Variants in ERC2 observed in about 807,000 individuals in gnomAD.
ERC2 encodes ELKS/RAB6-interacting/CAST family member 2, also known as ERC protein 2.
In ERC2, 42 loss-of-function variants were observed where a neutral mutation model predicts 114.8. The ratio of observed to expected loss-of-function variants is 0.37; its 90% CI spans 0.29 to 0.47. The LOEUF (loss-of-function observed/expected upper bound fraction) is 0.47. Ranked by LOEUF, ERC2 falls within the 20% of genes least tolerant of loss-of-function variation. The pLI is 0.99. For missense variants in ERC2, 939 were observed against 1,150.7 expected, an observed-to-expected ratio of 0.82 and a Z score of 2.66; for synonymous variants, 454 against 425.5, an observed-to-expected ratio of 1.07 and a Z score of -0.82.
intron 14 of ERC2, among the ~76,000 whole-genome samples, chr3:55,802,728 G>C: frequency 6.6e-6 from 1 of 152,124 alleles, no homozygotes; most frequent in Non-Finnish European, 1.5e-5. Context: ...AATAACCCAA[G>C]TTAGTTGTTA....
At chr3:55,874,024 A>G (rs978539587) in intron 14 of ERC2, among the ~76,000 whole-genome samples, 1 of 152,244 alleles carries the variant, frequency 6.6e-6, no homozygotes, top group Admixed American at 6.5e-5. Flanking sequence ...GTGACTAAAC[A>G]AATGACTGAA....
intron 6 of ERC2, among the ~76,000 whole-genome samples, chr3:56,094,054 C>T (rs966932666): frequency 3.9e-5 from 6 of 152,180 alleles, no homozygotes; most frequent in Non-Finnish European, 7.3e-5. Flanking sequence ...ATTGATTTAA[C>T]TTACCTTTCC....
intron 3 of ERC2, among the ~76,000 whole-genome samples, chr3:56,207,480 C>T (rs2048810938): frequency 2.6e-5 from 4 of 151,948 alleles, no homozygotes; most frequent in Admixed American, 1.3e-4. Context: ...CTTAGTTCTG[C>T]CTCTTTCATT....
chr3:56,193,711 C>T (rs1216461176), intron 3 of ERC2, among the ~76,000 whole-genome samples: 2 of 152,022 alleles, frequency 1.3e-5, no homozygotes, highest in Admixed American at 6.6e-5. Context: ...GAGACCAGTA[C>T]TATTATTATC....
chr3:56,168,299 G>A (rs1406907941), intron 4 of ERC2, among the ~76,000 whole-genome samples: 1 of 152,088 alleles, frequency 6.6e-6, no homozygotes, highest in Non-Finnish European at 1.5e-5. Context: ...TATTACTGGG[G>A]GTGCAGGTGA....
intron 3 of ERC2, among the ~76,000 whole-genome samples, chr3:56,253,254 AGCTTGGT>A: frequency 6.6e-6 from 1 of 152,248 alleles, no homozygotes; most frequent in Non-Finnish European, 1.5e-5. Flanking sequence ...AAGTAATCCC[AGCTTGGT>A]ACTTTTAAAA....
At chr3:55,563,541 A>C (rs1363399206) in intron 17 of ERC2, among the ~76,000 whole-genome samples, 1 of 152,224 alleles carries the variant, frequency 6.6e-6, no homozygotes. Context: ...TAAGTGCTCC[A>C]TTTGAGTCTT....
At chr3:55,624,810 G>GA (rs1473398071) in intron 17 of ERC2, among the ~76,000 whole-genome samples, 8 of 151,952 alleles carry the variant, frequency 5.3e-5, no homozygotes, top group Admixed American at 2.6e-4. Flanking sequence ...GAAAAAGGAA[G>GA]AAAAAAAATG....
chr3:55,649,044 A>G (rs904257202), intron 17 of ERC2, among the ~76,000 whole-genome samples: 1 of 152,148 alleles, frequency 6.6e-6, no homozygotes, highest in Non-Finnish European at 1.5e-5. Context: ...CTTATCCCAC[A>G]GACCAGCTCC....
chr3:56,053,303 C>T (rs1367187802), intron 7 of ERC2, among the ~76,000 whole-genome samples: 1 of 151,986 alleles, frequency 6.6e-6, no homozygotes, highest in Non-Finnish European at 1.5e-5. Context: ...TGTAAGTGAG[C>T]AGTATAACGG....
rs183422857 is a variant in ERC2, at chr3:56,129,124, T to C, written c.1473+10385A>G. On this transcript the variant is annotated intron_variant, in intron 6 of 17. Transcript: ENST00000288221. ...AGTTGTATTCCTCCCTTTTTCTTAATAAGACAAAAGGAGGAAAGTATATGT... is the reference window on the plus strand; with the variant it reads ...AGTTGTATTCCTCCCTTTTTCTTAACAAGACAAAAGGAGGAAAGTATATGT... Among the ~76,000 whole-genome samples the C allele has an allele frequency of 7.9e-5, 12 of 152,318 alleles. No homozygotes were observed. In the East Asian group the frequency reaches 2.3e-3, roughly 29 times the overall value.
At chr3:55,673,676 G>T (rs1034346981) in intron 17 of ERC2, among the ~76,000 whole-genome samples, 10 of 152,142 alleles carry the variant, frequency 6.6e-5, no homozygotes, top group Non-Finnish European at 1.3e-4. Flanking sequence ...AGCACCAGGG[G>T]AGACAAGTAC....
intron 3 of ERC2, among the ~76,000 whole-genome samples, chr3:56,220,541 G>A (rs1423243935): frequency 6.6e-6 from 1 of 152,188 alleles, no homozygotes; most frequent in Admixed American, 6.5e-5. Flanking sequence ...ACGGCCCAAA[G>A]CACAACATAA....
intron 14 of ERC2, among the ~76,000 whole-genome samples, chr3:55,858,756 T>G (rs2061896606): frequency 6.6e-6 from 1 of 152,180 alleles, no homozygotes; most frequent in Admixed American, 6.5e-5. Flanking sequence ...GCGCATCACA[T>G]AGCTGACAGA....
chr3:55,657,943 C>T (rs1282690680), intron 17 of ERC2: 1 of 152,232 alleles, frequency 6.6e-6, no homozygotes, highest in African/African-American at 2.4e-5. Flanking sequence ...GATTGTAGCA[C>T]ACCTCCTGTG....
intron 3 of ERC2, among the ~76,000 whole-genome samples, chr3:56,290,926 C>T (rs375711719): frequency 6.6e-6 from 1 of 152,164 alleles, no homozygotes; most frequent in East Asian, 1.9e-4. Flanking sequence ...GACTTGGGTG[C>T]TCTTCTGGCC....
chr3:56,421,560 C>T (rs909522724), intron 2 of ERC2, among the ~76,000 whole-genome samples: 2 of 152,166 alleles, frequency 1.3e-5, no homozygotes, highest in Non-Finnish European at 2.9e-5. Context: ...CTGGTGAGCA[C>T]TTGAATGAAG....
In ERC2 at chr3:55,591,158, GGTTGAT is replaced by G. The variant is rs553592553; in HGVS notation, c.*40-79888_*40-79883del. ...CCATAACTTTAAGGGGTAGAATTATGGTTGATTTTCACTTGTGTCTTTTAGCTTTTT... is the reference window on the plus strand; with the variant it reads ...CCATAACTTTAAGGGGTAGAATTATGTTTCACTTGTGTCTTTTAGCTTTTT... On this transcript the variant is annotated intron_variant, in intron 17 of 17. Coordinates refer to ENST00000288221, the MANE Select transcript of ERC2 (RefSeq NM_015576.3). Among the ~76,000 whole-genome samples the G allele has an allele frequency of 1.2e-3, 182 of 150,402 alleles. 4 individuals are homozygous for G. The East Asian group carries it at 0.033, about 27-fold the overall frequency.
At chr3:56,143,048 T>C (rs1004104603) in intron 5 of ERC2, among the ~76,000 whole-genome samples, 2 of 152,208 alleles carry the variant, frequency 1.3e-5, no homozygotes, top group Non-Finnish European at 2.9e-5. Context: ...AATTTTTTCA[T>C]CTTTTACTTG....
Sources: allele counts gnomAD v4.1 joint callset (sites outside exome capture counted in the v4.1 genomes callset), GRCh38; gene constraint gnomAD v4.1.1; transcripts MANE v1.5; gene names NCBI Gene and HGNC (gene_info 2026-07-23, HGNC 2026-07-21).